Variants in IL1RAPL1 observed in about 807,000 individuals in gnomAD.
IL1RAPL1 encodes interleukin 1 receptor accessory protein like 1, also known as interleukin-1 receptor accessory protein-like 1.
A neutral mutation model predicts 48.4 loss-of-function variants in IL1RAPL1; 3 were observed. The observed-to-expected ratio is 0.06, with a 90% confidence interval of 0.03 to 0.16. IL1RAPL1 has a LOEUF of 0.16. Ranked by LOEUF, IL1RAPL1 falls within the 10% of genes least tolerant of loss-of-function variation. The pLI, the probability that IL1RAPL1 is intolerant of heterozygous loss-of-function variation, is 1.00. For synonymous variants in IL1RAPL1, 185 were observed against 187.7 expected, an observed-to-expected ratio of 0.99 and a Z score of 0.12; for missense variants, 349 against 530.6, an observed-to-expected ratio of 0.66 and a Z score of 3.36.
At chrX:28,630,601 T>G (rs1934388099) in intron 1 of IL1RAPL1, among the ~76,000 whole-genome samples, 1 of 111,983 alleles carries the variant, frequency 8.9e-6, no homozygotes, top group Non-Finnish European at 1.9e-5. Flanking sequence ...TTTTCATCCT[T>G]CATGCTTTCC....
intron 5 of IL1RAPL1, among the ~76,000 whole-genome samples, chrX:29,518,503 G>T (rs12556817): frequency 0.023 from 2,606 of 110,935 alleles, 31 homozygotes; most frequent in Non-Finnish European, 0.033. Context: ...GATGATTAGG[G>T]TGTGCCTTAT....
At chrX:28,676,601 C>T (rs969160820) in intron 1 of IL1RAPL1, among the ~76,000 whole-genome samples, 7 of 109,759 alleles carry the variant, frequency 6.4e-5, no homozygotes, top group African/African-American at 1.7e-4. Flanking sequence ...GGCATGGTGG[C>T]GCTCGCCTAT....
chrX:29,137,617 T>C (rs1929159537), intron 2 of IL1RAPL1, among the ~76,000 whole-genome samples: 1 of 112,213 alleles, frequency 8.9e-6, no homozygotes, highest in African/African-American at 3.2e-5. Context: ...TACCTGAAAA[T>C]AGGAATAAAA....
chrX:28,643,689 G>A (rs1209435820), intron 1 of IL1RAPL1, among the ~76,000 whole-genome samples: 2 of 111,641 alleles, frequency 1.8e-5, no homozygotes, highest in Non-Finnish European at 3.8e-5. Context: ...CAACACACTA[G>A]TAATAAATGT....
At chrX:29,387,267 T>C (rs1384019170) in intron 3 of IL1RAPL1, among the ~76,000 whole-genome samples, 1 of 112,328 alleles carries the variant, frequency 8.9e-6, no homozygotes, top group Non-Finnish European at 1.9e-5. Context: ...CTAGACCTTT[T>C]ATAGATGAAG....
At chrX:29,122,636 G>C (rs1376642971) in intron 2 of IL1RAPL1, among the ~76,000 whole-genome samples, 1 of 110,852 alleles carries the variant, frequency 9.0e-6, no homozygotes, top group East Asian at 2.8e-4. Context: ...TTCAAAATTA[G>C]CAATGGCAGA....
chrX:29,156,477 C>G (rs1425668863), intron 2 of IL1RAPL1, among the ~76,000 whole-genome samples: 2 of 112,000 alleles, frequency 1.8e-5, no homozygotes, highest in Admixed American at 1.9e-4. Flanking sequence ...AGTCATCACA[C>G]AAATCTATGT....
At chrX:28,875,417 A>G (rs1370644374) in intron 2 of IL1RAPL1, among the ~76,000 whole-genome samples, 6 of 112,591 alleles carry the variant, frequency 5.3e-5, no homozygotes, top group African/African-American at 1.6e-4. Flanking sequence ...TCTAGGTTAC[A>G]TTGTAGTAAT....
At chrX:28,631,420 G>C (rs187921971) in intron 1 of IL1RAPL1, among the ~76,000 whole-genome samples, 1 of 111,760 alleles carries the variant, frequency 8.9e-6, no homozygotes, top group East Asian at 2.8e-4. Context: ...CCGATACAAA[G>C]AGCAATAAAA....
intron 1 of IL1RAPL1, chrX:28,659,494 C>T (rs1934791058): frequency 2.0e-6 from 1 of 489,043 alleles, no homozygotes; most frequent in Non-Finnish European, 3.7e-6. Flanking sequence ...CTTGCTTAAC[C>T]ACCCTTCTCC....
intron 5 of IL1RAPL1, among the ~76,000 whole-genome samples, chrX:29,522,995 C>T (rs1356492249): frequency 1.8e-5 from 2 of 111,267 alleles, no homozygotes; most frequent in Non-Finnish European, 3.8e-5. Context: ...ATTTTAGAAA[C>T]ACCCCTTTCT....
chrX:28,948,852 A>C (rs1426159802), intron 2 of IL1RAPL1, among the ~76,000 whole-genome samples: 3 of 111,079 alleles, frequency 2.7e-5, no homozygotes, highest in African/African-American at 9.8e-5. Flanking sequence ...AGTTTAATTT[A>C]TAAAGTAAGC....
intron 3 of IL1RAPL1, among the ~76,000 whole-genome samples, chrX:29,360,816 G>A (rs1370371563): frequency 9.0e-6 from 1 of 111,407 alleles, no homozygotes; most frequent in Non-Finnish European, 1.9e-5. Flanking sequence ...TGAATATGTG[G>A]AATTACTATA....
At chrX:29,319,392 CAGGG>C (rs1187529383) in intron 3 of IL1RAPL1, among the ~76,000 whole-genome samples, 1 of 21,018 alleles carries the variant, frequency 4.8e-5, no homozygotes, top group African/African-American at 1.7e-4. Flanking sequence ...TTTGTAGAGA[CAGGG>C]TCTCACTGTG....
chrX:28,667,289 A>C (rs1404870198), intron 1 of IL1RAPL1, among the ~76,000 whole-genome samples: 1 of 112,221 alleles, frequency 8.9e-6, no homozygotes, highest in Non-Finnish European at 1.9e-5. Flanking sequence ...AATCTTTGTA[A>C]AATAGGTCAC....
chrX:29,351,005 A>G (rs1933223866), intron 3 of IL1RAPL1, among the ~76,000 whole-genome samples: 1 of 111,529 alleles, frequency 9.0e-6, no homozygotes, highest in Non-Finnish European at 1.9e-5. Flanking sequence ...CCTTACTCTA[A>G]TCTGCACGAT....
chrX:29,845,262 C>T (rs1242156779), intron 6 of IL1RAPL1, among the ~76,000 whole-genome samples: 1 of 111,158 alleles, frequency 9.0e-6, no homozygotes, highest in Non-Finnish European at 1.9e-5. Context: ...AGGCAGAAGA[C>T]ACAATAAGTG....
intron 2 of IL1RAPL1, among the ~76,000 whole-genome samples, chrX:29,261,810 G>A (rs1364683422): frequency 9.0e-6 from 1 of 110,647 alleles, no homozygotes; most frequent in Non-Finnish European, 1.9e-5. Flanking sequence ...TTGCACAGAG[G>A]CCTTCCTAGA....
At chrX:28,599,868 A>T (rs890531053) in intron 1 of IL1RAPL1, among the ~76,000 whole-genome samples, 2 of 112,065 alleles carry the variant, frequency 1.8e-5, no homozygotes, top group African/African-American at 6.5e-5. Flanking sequence ...GGGCCCCAGC[A>T]GTTCCAATGA....
Sources: gnomAD v4.1 joint callset for allele counts (sites outside exome capture counted in the v4.1 genomes callset) on GRCh38, gnomAD v4.1.1 for gene constraint, MANE v1.5 for transcripts, NCBI Gene and HGNC (gene_info 2026-07-23, HGNC 2026-07-21) for gene names.